ANOS1: variants seen among roughly 807,000 people sequenced by gnomAD.
ANOS1 encodes the protein anosmin 1.
A neutral mutation model predicts 59.0 loss-of-function variants in ANOS1; 6 were observed. That is an observed-to-expected ratio of 0.10 (90% CI 0.06 to 0.20). ANOS1 has a LOEUF of 0.20. ANOS1 is among the 10% of genes least tolerant of loss of function. ANOS1 has a pLI of 1.00. For missense variants in ANOS1, 433 were observed against 542.3 expected (o/e 0.80, Z 2.00); for synonymous variants, 217 against 223.4 (o/e 0.97, Z 0.25).
At chrX:8,592,081 A>C (rs1341706956) in intron 4 of ANOS1, among the ~76,000 whole-genome samples, 1 of 112,140 alleles carries the variant, frequency 8.9e-6, no homozygotes, top group Non-Finnish European at 1.9e-5. Context: ...GGATAGAAAA[A>C]TCAATTAGGA....
intron 3 of ANOS1, among the ~76,000 whole-genome samples, chrX:8,616,532 AT>A (rs1931180305): frequency 9.0e-6 from 1 of 111,531 alleles, no homozygotes; most frequent in Non-Finnish European, 1.9e-5. Flanking sequence ...CCTACAGCAC[AT>A]CTCATACGGA....
chrX:8,565,045 G>A (rs1036110523), intron 8 of ANOS1, among the ~76,000 whole-genome samples: 1 of 111,987 alleles, frequency 8.9e-6, no homozygotes, highest in African/African-American at 3.2e-5. Context: ...GAGATCCAGG[G>A]TTCCATAAAA....
intron 2 of ANOS1, among the ~76,000 whole-genome samples, chrX:8,665,721 A>G (rs1449054450): frequency 8.9e-6 from 1 of 112,565 alleles, no homozygotes; most frequent in Non-Finnish European, 1.9e-5. Flanking sequence ...CTCCTTTTAT[A>G]TAAGTTACTA....
intron 2 of ANOS1, among the ~76,000 whole-genome samples, chrX:8,632,110 C>T (rs1239398517): frequency 9.0e-6 from 1 of 111,690 alleles, no homozygotes; most frequent in Non-Finnish European, 1.9e-5. Context: ...CAGGCCACTT[C>T]CCAGGTGAGG....
chrX:8,663,206 T>C (rs900151158), intron 2 of ANOS1, among the ~76,000 whole-genome samples: 2 of 111,593 alleles, frequency 1.8e-5, no homozygotes, highest in Non-Finnish European at 3.8e-5. Flanking sequence ...ATTTCTGTTG[T>C]TTAAGCAAAG....
chrX:8,660,822 G>A (rs917175055), intron 2 of ANOS1, among the ~76,000 whole-genome samples: 4 of 111,235 alleles, frequency 3.6e-5, no homozygotes, highest in Admixed American at 9.6e-5. Flanking sequence ...GCTACAAGCC[G>A]GGGCAGGCCT....
intron 3 of ANOS1, among the ~76,000 whole-genome samples, chrX:8,606,860 G>A (rs1288992258): frequency 6.2e-5 from 7 of 112,985 alleles, no homozygotes; most frequent in African/African-American, 2.3e-4. Context: ...GCTCACGCCT[G>A]TAATCCCAGC....
chrX:8,566,452 T>C lies in ANOS1; in HGVS notation c.1207+1780A>G, dbSNP rs777150485. Among the ~76,000 whole-genome samples, 16 of 111,330 alleles carry C rather than the reference T, an allele frequency of 1.4e-4. No homozygotes were observed. In the East Asian group the frequency reaches 3.4e-3, roughly 23 times the overall value. On this transcript the variant is annotated intron_variant, in intron 8 of 13. Transcript: ENST00000262648. ...GCATATGTGTACATATATACCTATG[T>C]GCATACTATTTATAGAAAATTATGG...
chrX:8,650,143 C>T (rs921006201), intron 2 of ANOS1, among the ~76,000 whole-genome samples: 1 of 112,211 alleles, frequency 8.9e-6, no homozygotes, highest in Non-Finnish European at 1.9e-5. Flanking sequence ...TTCCAGTTCT[C>T]CTGGGTCCCT....
At chrX:8,670,410 A>G (rs140738760) in intron 2 of ANOS1, among the ~76,000 whole-genome samples, 1 of 111,354 alleles carries the variant, frequency 9.0e-6, no homozygotes, top group East Asian at 2.8e-4. Flanking sequence ...GCGTTGGCTC[A>G]TTCCTCAGCC....
intron 2 of ANOS1, among the ~76,000 whole-genome samples, chrX:8,636,531 G>C (rs1931576287): frequency 8.9e-6 from 1 of 112,157 alleles, no homozygotes; most frequent in Non-Finnish European, 1.9e-5. Context: ...AGTGATTATA[G>C]TAGGTTCTAA....
At position 8,588,059 on chromosome X, in the gene ANOS1, G is replaced by T. The variant is rs190860868; in HGVS notation, c.542-81C>A. On this transcript the variant is annotated intron_variant, in intron 4 of 13. Coordinates refer to ENST00000262648, the MANE Select transcript of ANOS1 (RefSeq NM_000216.4). ...AAGTTGAGGAAGAACAAATATGGAA[G>T]AGATGAATCTGATCTGATGACAACT... 3 of 880,087 alleles carry T rather than the reference G, an allele frequency of 3.4e-6. No homozygotes were observed. In the Admixed American group the frequency reaches 7.5e-5, roughly 22 times the overall value. The allele number at this position is 880,087 out of a possible 1,213,427, so 72.5% of individuals were successfully genotyped here. A position where few individuals can be genotyped will look rare whatever the true frequency, so the allele number is the denominator to read the frequency against.
chrX:8,578,817 A>T (rs1347771024), intron 6 of ANOS1, among the ~76,000 whole-genome samples: 1 of 112,450 alleles, frequency 8.9e-6, no homozygotes, highest in Non-Finnish European at 1.9e-5. Flanking sequence ...TTTCAAATGA[A>T]CAAACATGCT....
intron 4 of ANOS1, among the ~76,000 whole-genome samples, chrX:8,594,766 ATT>A (rs1239308066): frequency 1.5e-5 from 1 of 67,999 alleles, no homozygotes; most frequent in African/African-American, 6.4e-5. Flanking sequence ...ATATATATAT[ATT>A]TTTTTTTTGC....
At position 8,662,866 on chromosome X, in the gene ANOS1, A is replaced by T. The variant is rs183475682; in HGVS notation, c.255+36832T>A. Among the ~76,000 whole-genome samples the T allele has an allele frequency of 9.0e-4, 101 of 111,731 alleles. No individual in the cohort carries two copies. The East Asian group carries it at 0.028, about 31-fold the overall frequency. The stretch of plus-strand genomic sequence containing the variant: ...GTGAAACCCCGTCTCTACTAAAAAA[A>T]TACAAAAATTAGCCAGGCATGGTGG... On this transcript the variant is annotated intron_variant, in intron 2 of 13. Coordinates refer to ENST00000262648, the MANE Select transcript of ANOS1 (RefSeq NM_000216.4).
chrX:8,605,909 T>A (rs1930933722), intron 3 of ANOS1, among the ~76,000 whole-genome samples: 1 of 106,044 alleles, frequency 9.4e-6, no homozygotes, highest in African/African-American at 3.4e-5. Flanking sequence ...ATTTAGTATG[T>A]GAAGCTAACA....
At chrX:8,710,158 C>A (rs1034198150) in intron 1 of ANOS1, among the ~76,000 whole-genome samples, 12 of 111,474 alleles carry the variant, frequency 1.1e-4, no homozygotes, top group Admixed American at 5.7e-4. Flanking sequence ...TCTCGATCTC[C>A]TGACCTCGTG....
At chrX:8,604,828 G>A (rs1226241282) in intron 3 of ANOS1, among the ~76,000 whole-genome samples, 2 of 112,646 alleles carry the variant, frequency 1.8e-5, no homozygotes, top group African/African-American at 3.2e-5. Context: ...ATTAAAGTAT[G>A]TTGGTAATTC....
Position 8,620,821 on chromosome X carries a change from C to A in ANOS1, c.318+2787G>T, listed in dbSNP as rs547163508. ...TTCAAGTTTCAATTAACCTTTCATGCCAGAAGGGATCACATTCAAACACCT... is the reference window on the plus strand; with the variant it reads ...TTCAAGTTTCAATTAACCTTTCATGACAGAAGGGATCACATTCAAACACCT... On this transcript the variant is annotated intron_variant, in intron 3 of 13. Transcript: ENST00000262648. Among the ~76,000 whole-genome samples, 113 of 111,750 alleles carry A rather than the reference C, an allele frequency of 1.0e-3. No homozygotes were observed. In the South Asian group the frequency reaches 0.014, roughly 14 times the overall value.
Sources: gnomAD v4.1 joint callset for allele counts (sites outside exome capture counted in the v4.1 genomes callset) on GRCh38, gnomAD v4.1.1 for gene constraint, MANE v1.5 for transcripts, NCBI Gene and HGNC (gene_info 2026-07-23, HGNC 2026-07-21) for gene names.